The following PPP3CA variants were observed in gnomAD, a reference collection of about 807,000 sequenced individuals.
PPP3CA encodes CAM-PRP catalytic subunit.
PPP3CA carries 14 observed loss-of-function variants against 66.5 expected under a neutral mutation model. That is an observed-to-expected ratio of 0.21 (90% CI 0.14 to 0.33). The LOEUF (loss-of-function observed/expected upper bound fraction) is 0.33, where lower values mean the gene tolerates loss of function less well. PPP3CA is among the 10% of genes least tolerant of loss of function. The pLI is 1.00. For missense variants in PPP3CA, 317 were observed against 639.5 expected (o/e 0.50, Z 5.44); for synonymous variants, 232 against 226.2 (o/e 1.03, Z -0.23).
At chr4:101,247,704 G>A (rs1435078746) in intron 1 of PPP3CA, among the ~76,000 whole-genome samples, 2 of 152,012 alleles carry the variant, frequency 1.3e-5, no homozygotes, top group Non-Finnish European at 2.9e-5. Context: ...TATCAATGTA[G>A]GTATTTCAAC....
At chr4:101,074,964 A>C (rs966595834) in intron 8 of PPP3CA, among the ~76,000 whole-genome samples, 2 of 152,192 alleles carry the variant, frequency 1.3e-5, no homozygotes, top group African/African-American at 2.4e-5. Flanking sequence ...GAGGCCTCAC[A>C]ATCATGGTGG....
At chr4:101,148,278 A>G (rs1380728154) in intron 2 of PPP3CA, among the ~76,000 whole-genome samples, 1 of 152,162 alleles carries the variant, frequency 6.6e-6, no homozygotes, top group Non-Finnish European at 1.5e-5. Context: ...TAAATTACAT[A>G]TATGATTTAA....
At chr4:101,343,746 G>C in intron 1 of PPP3CA, among the ~76,000 whole-genome samples, 1 of 152,062 alleles carries the variant, frequency 6.6e-6, no homozygotes, top group East Asian at 1.9e-4. Context: ...AAACCGATCA[G>C]GGTCTCTGAA....
At chr4:101,331,077 G>T (rs1463868783) in intron 1 of PPP3CA, among the ~76,000 whole-genome samples, 2 of 152,126 alleles carry the variant, frequency 1.3e-5, no homozygotes, top group African/African-American at 4.8e-5. Context: ...CAGGAGCAAT[G>T]ATATTTTATA....
At chr4:101,103,962 T>A (rs1471147988) in intron 3 of PPP3CA, among the ~76,000 whole-genome samples, 2 of 152,190 alleles carry the variant, frequency 1.3e-5, no homozygotes, top group Non-Finnish European at 2.9e-5. Context: ...TCATCACTAC[T>A]CAAAAGCTTG....
intron 2 of PPP3CA, among the ~76,000 whole-genome samples, chr4:101,138,588 T>A (rs548033565): frequency 1.3e-5 from 2 of 152,310 alleles, no homozygotes; most frequent in East Asian, 3.9e-4. Flanking sequence ...TCTTAAATAT[T>A]CCAATGAGCA....
intron 1 of PPP3CA, among the ~76,000 whole-genome samples, chr4:101,225,054 T>A (rs1472219840): frequency 6.6e-6 from 1 of 151,752 alleles, no homozygotes. Flanking sequence ...CTTAACCCCA[T>A]GGAAGTACTC....
intron 1 of PPP3CA, among the ~76,000 whole-genome samples, chr4:101,204,922 T>A (rs1725085439): frequency 6.7e-6 from 1 of 150,342 alleles, no homozygotes; most frequent in Non-Finnish European, 1.5e-5. Flanking sequence ...TCTTCAAAAA[T>A]ATATATATAT....
chr4:101,235,979 A>T (rs1726115216), intron 1 of PPP3CA, among the ~76,000 whole-genome samples: 1 of 151,822 alleles, frequency 6.6e-6, no homozygotes, highest in African/African-American at 2.4e-5. Context: ...TGGCTGGACT[A>T]GAAAGACCAT....
intron 8 of PPP3CA, among the ~76,000 whole-genome samples, chr4:101,074,408 G>A (rs766244286): frequency 1.3e-5 from 2 of 152,126 alleles, no homozygotes; most frequent in Non-Finnish European, 2.9e-5. Flanking sequence ...CAACCTCCTA[G>A]TGGAAAAAAA....
intron 2 of PPP3CA, among the ~76,000 whole-genome samples, chr4:101,149,969 C>T (rs1261221675): frequency 6.6e-6 from 1 of 152,080 alleles, no homozygotes; most frequent in Non-Finnish European, 1.5e-5. Flanking sequence ...AGAGAGAGTA[C>T]AGTGGTCCCA....
chr4:101,251,722 A>G (rs1478403995), intron 1 of PPP3CA, among the ~76,000 whole-genome samples: 1 of 152,194 alleles, frequency 6.6e-6, no homozygotes, highest in Admixed American at 6.5e-5. Flanking sequence ...ATATAATAAA[A>G]GTACATTCTA....
intron 1 of PPP3CA, among the ~76,000 whole-genome samples, chr4:101,270,586 C>G (rs1727306842): frequency 6.6e-6 from 1 of 152,104 alleles, no homozygotes; most frequent in Admixed American, 6.6e-5. Flanking sequence ...TTAAGGTAGA[C>G]AGTATTGGTC....
chr4:101,307,922 C>T (rs908981930), intron 1 of PPP3CA, among the ~76,000 whole-genome samples: 4 of 152,158 alleles, frequency 2.6e-5, no homozygotes, highest in African/African-American at 9.7e-5. Context: ...CACAATCTTC[C>T]ACTTCACGAT....
chr4:101,224,038 T>C (rs888120699), intron 1 of PPP3CA, among the ~76,000 whole-genome samples: 1 of 151,716 alleles, frequency 6.6e-6, no homozygotes, highest in Non-Finnish European at 1.5e-5. Context: ...ACTAAAATTA[T>C]GAAAACACCA....
At chr4:101,263,328 T>C (rs1241518028) in intron 1 of PPP3CA, among the ~76,000 whole-genome samples, 1 of 152,192 alleles carries the variant, frequency 6.6e-6, no homozygotes, top group Non-Finnish European at 1.5e-5. Flanking sequence ...TTAGACCCCA[T>C]TCCAGATAAA....
At chr4:101,181,292 A>G (rs1724228167) in intron 2 of PPP3CA, among the ~76,000 whole-genome samples, 1 of 152,024 alleles carries the variant, frequency 6.6e-6, no homozygotes, top group Non-Finnish European at 1.5e-5. Context: ...GGCATTTATA[A>G]ATATGTTGAT....
intron 1 of PPP3CA, among the ~76,000 whole-genome samples, chr4:101,239,586 T>C (rs1424531138): frequency 6.6e-6 from 1 of 151,980 alleles, no homozygotes; most frequent in East Asian, 1.9e-4. Flanking sequence ...ATGGTAAATA[T>C]GAAAATAGCT....
chr4:101,265,903 T>C (rs2110260751), intron 1 of PPP3CA, among the ~76,000 whole-genome samples: 1 of 152,272 alleles, frequency 6.6e-6, no homozygotes, highest in Non-Finnish European at 1.5e-5. Flanking sequence ...TTTAAGATAA[T>C]GCAGCTCACA....
Sources: allele counts gnomAD v4.1 joint callset (sites outside exome capture counted in the v4.1 genomes callset), GRCh38; gene constraint gnomAD v4.1.1; transcripts MANE v1.5; gene names NCBI Gene and HGNC (gene_info 2026-07-23, HGNC 2026-07-21).